The following ASB3 variants were observed in gnomAD, a reference collection of about 807,000 sequenced individuals.
The protein encoded by ASB3 is ankyrin repeat and SOCS box protein 3.
ASB3 carries 41 observed loss-of-function variants against 54.5 expected under a neutral mutation model. The observed-to-expected ratio is 0.75, with a 90% CI of 0.59 to 0.98. The LOEUF (loss-of-function observed/expected upper bound fraction) is 0.98, where lower values mean the gene tolerates loss of function less well. Among genes scored for constraint, ASB3 ranks in the 50% least tolerant of loss-of-function variants. The probability of loss-of-function intolerance (pLI) is 0.00; values close to 1 mark genes in which losing one functional copy is unlikely to be tolerated. For synonymous variants in ASB3, 266 were observed against 221.2 expected, an observed-to-expected ratio of 1.20 and a Z score of -1.80; for missense variants, 733 against 620.0, an observed-to-expected ratio of 1.18 and a Z score of -1.94.
chr2:53,724,913 G>C (rs1464252062), intron 5 of ASB3, among the ~76,000 whole-genome samples: 2 of 152,032 alleles, frequency 1.3e-5, no homozygotes, highest in African/African-American at 4.8e-5. Flanking sequence ...ATTCAACCCA[G>C]CAATTCCATC....
chr2:53,782,463 T>C (rs1057266519), intron 1 of ASB3, among the ~76,000 whole-genome samples: 1 of 152,060 alleles, frequency 6.6e-6, no homozygotes, highest in East Asian at 1.9e-4. Flanking sequence ...AGGAAGGACG[T>C]AGGACTAAAA....
At chr2:53,687,144 A>G (rs528363737) in intron 9 of ASB3, among the ~76,000 whole-genome samples, 1 of 152,310 alleles carries the variant, frequency 6.6e-6, no homozygotes, top group Non-Finnish European at 1.5e-5. Context: ...TTTCCCCACA[A>G]AAACAAAACC....
At chr2:53,706,112 T>G (rs1267340331) in intron 7 of ASB3, among the ~76,000 whole-genome samples, 1 of 152,212 alleles carries the variant, frequency 6.6e-6, no homozygotes, top group Non-Finnish European at 1.5e-5. Context: ...TAGGTGTTAT[T>G]ACTATCCCTA....
At chr2:53,708,490 G>A (rs1406838359) in intron 7 of ASB3, among the ~76,000 whole-genome samples, 4 of 152,246 alleles carry the variant, frequency 2.6e-5, no homozygotes, top group East Asian at 3.9e-4. Context: ...CTGAAGAGTG[G>A]GGCATTGCTA....
intron 5 of ASB3, among the ~76,000 whole-genome samples, chr2:53,727,459 CAT>C (rs986196120): frequency 6.6e-6 from 1 of 150,962 alleles, no homozygotes; most frequent in African/African-American, 2.4e-5. Flanking sequence ...ATTGAGACCA[CAT>C]GTCTTAAAAA....
chr2:53,744,780 G>C (rs1446650403), intron 3 of ASB3, among the ~76,000 whole-genome samples: 1 of 152,194 alleles, frequency 6.6e-6, no homozygotes, highest in Non-Finnish European at 1.5e-5. Context: ...TGAATCACAT[G>C]GTGGTTTGTT....
chr2:53,681,841 G>A (rs1299786076), intron 9 of ASB3, among the ~76,000 whole-genome samples: 2 of 152,112 alleles, frequency 1.3e-5, no homozygotes, highest in African/African-American at 4.8e-5. Flanking sequence ...TGGCTATTAT[G>A]AGTCTTTTGT....
chr2:53,784,061 T>C (rs766215053), intron 1 of ASB3, among the ~76,000 whole-genome samples: 2 of 152,270 alleles, frequency 1.3e-5, no homozygotes, highest in Non-Finnish European at 2.9e-5. Flanking sequence ...ATGGTGCCAT[T>C]ATTAGGAAGC....
intron 4 of ASB3, 35 bp from the exon 5 acceptor site, chr2:53,728,882 A>G (rs1354005352): frequency 1.3e-6 from 2 of 1,551,650 alleles, no homozygotes; most frequent in African/African-American, 1.4e-5. Flanking sequence ...ATAAGAAAAA[A>G]ACAAAGAAAA....
intron 1 of ASB3, among the ~76,000 whole-genome samples, chr2:53,766,615 G>C (rs1427206392): frequency 6.6e-6 from 1 of 152,064 alleles, no homozygotes; most frequent in Non-Finnish European, 1.5e-5. Context: ...AAAGTAAAAA[G>C]GAAGTACAGC....
In ASB3 at chr2:53,769,644, C is replaced by A. The variant is rs1229673188; in HGVS notation, c.-13-4059G>T. Among the ~76,000 whole-genome samples the A allele has an allele frequency of 2.0e-5, 3 of 152,274 alleles. No homozygotes were observed. In the East Asian group the frequency reaches 5.8e-4, roughly 29 times the overall value. Reference sequence around the variant, plus strand: ...GGTGGATCACCTGAGGTCGGGAGTTCAACACCAGCCTGACCAACATGGAGA... The same window carrying A: ...GGTGGATCACCTGAGGTCGGGAGTTAAACACCAGCCTGACCAACATGGAGA... On this transcript the variant is annotated intron_variant, in intron 1 of 9. Transcript: ENST00000263634.
intron 5 of ASB3, among the ~76,000 whole-genome samples, chr2:53,726,060 A>C (rs1670974856): frequency 6.6e-6 from 1 of 152,170 alleles, no homozygotes; most frequent in Non-Finnish European, 1.5e-5. Context: ...AAACGAAAGT[A>C]ATAGGGGTTG....
intron 7 of ASB3, 31 bp downstream of exon 7, chr2:53,714,353 T>G: frequency 1.2e-6 from 2 of 1,606,124 alleles, no homozygotes; most frequent in Non-Finnish European, 1.7e-6. Context: ...CAAAAAAGAA[T>G]AAAAAATAAA....
At chr2:53,767,412 C>T (rs1572999750) in intron 1 of ASB3, 1 of 153,092 alleles carries the variant, frequency 6.5e-6, no homozygotes, top group Non-Finnish European at 1.5e-5. Context: ...ATTTCCAAAG[C>T]AGAACAAAAC....
At chr2:53,701,250 G>A (rs749294464) in intron 7 of ASB3, among the ~76,000 whole-genome samples, 30 of 151,982 alleles carry the variant, frequency 2.0e-4, no homozygotes, top group Non-Finnish European at 3.7e-4. Context: ...GTATGCCACC[G>A]TGACTGGCCT....
intron 5 of ASB3, among the ~76,000 whole-genome samples, chr2:53,718,041 T>C (rs1670494936): frequency 6.6e-6 from 1 of 152,188 alleles, no homozygotes; most frequent in African/African-American, 2.4e-5. Context: ...TTTGATAATG[T>C]AAAGCAACCA....
chr2:53,774,362 T>C (rs1364454665), intron 1 of ASB3: 1 of 1,613,344 alleles, frequency 6.2e-7, no homozygotes, highest in African/African-American at 1.3e-5. Context: ...GCTGAACAAA[T>C]TTTTAATGCA....
chr2:53,768,065 CT>C (rs1225145208), intron 1 of ASB3: 1 of 1,604,352 alleles, frequency 6.2e-7, no homozygotes, highest in Admixed American at 1.7e-5. Context: ...CCCCTGACCC[CT>C]GCTCCCCAAC....
chr2:53,684,682 A>G (rs985529814), intron 9 of ASB3, among the ~76,000 whole-genome samples: 4 of 152,194 alleles, frequency 2.6e-5, no homozygotes, highest in Non-Finnish European at 4.4e-5. Flanking sequence ...AGCTGAGAAG[A>G]TATTTTTCTG....
Sources: gnomAD v4.1 joint callset for allele counts (sites outside exome capture counted in the v4.1 genomes callset) on GRCh38, gnomAD v4.1.1 for gene constraint, MANE v1.5 for transcripts, NCBI Gene and HGNC (gene_info 2026-07-23, HGNC 2026-07-21) for gene names.